Variants in DDX21 observed in about 807,000 individuals in gnomAD.
DDX21 encodes DExD-box helicase 21.
DDX21 carries 18 observed loss-of-function variants against 90.0 expected under a neutral mutation model. The ratio of observed to expected loss-of-function variants is 0.20; its 90% CI spans 0.14 to 0.30. The LOEUF (loss-of-function observed/expected upper bound fraction) is 0.30. Ranked by LOEUF, DDX21 falls within the 10% of genes least tolerant of loss-of-function variation. DDX21 has a pLI of 1.00. For synonymous variants in DDX21, 294 were observed against 318.0 expected, an observed-to-expected ratio of 0.92 and a Z score of 0.80; for missense variants, 673 against 944.5, an observed-to-expected ratio of 0.71 and a Z score of 3.77.
chr10:68,962,686 A>G (rs1842889161), intron 3 of DDX21, among the ~76,000 whole-genome samples: 1 of 152,198 alleles, frequency 6.6e-6, no homozygotes, highest in African/African-American at 2.4e-5. Flanking sequence ...AAATTAAGCA[A>G]TTAGGTGATG....
In DDX21 at chr10:68,966,250, T is replaced by A. The variant is rs1842937170; in HGVS notation, c.904+756T>A. ...GGCTCCCACGCCCGGCTAATTTTTG[T>A]ATTTTTAGTAGAGACAGGGTTTCAC... On this transcript the variant is annotated intron_variant, in intron 5 of 14. Transcript: ENST00000354185. Among the ~76,000 whole-genome samples the A allele has an allele frequency of 3.3e-5, 5 of 151,292 alleles. No individual in the cohort carries two copies. In the South Asian group the frequency reaches 1.1e-3, roughly 32 times the overall value.
chr10:68,967,514 T>C (rs1842955722), intron 6 of DDX21, among the ~76,000 whole-genome samples: 1 of 151,606 alleles, frequency 6.6e-6, no homozygotes, highest in African/African-American at 2.4e-5. Context: ...CCTTGGGAAA[T>C]TGGAATGGGG....
chr10:68,982,206 A>G (rs1056834162), intron 14 of DDX21, among the ~76,000 whole-genome samples: 1 of 152,202 alleles, frequency 6.6e-6, no homozygotes, highest in Non-Finnish European at 1.5e-5. Flanking sequence ...TTACATCTTT[A>G]TTCAATACTG....
chr10:68,984,140 T>G lies in DDX21; in HGVS notation c.*1328T>G, dbSNP rs2132100668. 1 of 152,366 alleles carries G rather than the reference T, an allele frequency of 6.6e-6. No individual in the cohort carries two copies. The highest frequency in any genetic ancestry group is 2.4e-5 in the African/African-American group (1 of 41,582). 9.4% of individuals were successfully genotyped at this position (152,366 alleles called of 1,614,324 possible). On this transcript the variant is annotated 3_prime_UTR_variant, in exon 15 of 15. Transcript: ENST00000354185. ...TAAGAGTGGCATTATCTTCTCGCCTTAATTTCCAGAGATTATTTCTGTACT... is the reference window on the plus strand; with the variant it reads ...TAAGAGTGGCATTATCTTCTCGCCTGAATTTCCAGAGATTATTTCTGTACT...
chr10:68,970,130 G>T, intron 7 of DDX21, 71 bp from the exon 8 acceptor site: 1 of 1,421,664 alleles, frequency 7.0e-7, no homozygotes, highest in East Asian at 2.3e-5. Context: ...TGTGCTCACT[G>T]ATCATTGTGT....
At chr10:68,971,168 T>C (rs1843023040) in intron 8 of DDX21, among the ~76,000 whole-genome samples, 1 of 151,938 alleles carries the variant, frequency 6.6e-6, no homozygotes, top group South Asian at 2.1e-4. Flanking sequence ...TACAGTTCAG[T>C]GGCTTTTAGC....
intron 6 of DDX21, among the ~76,000 whole-genome samples, chr10:68,967,938 A>G (rs1230823106): frequency 6.6e-6 from 1 of 151,856 alleles, no homozygotes; most frequent in East Asian, 1.9e-4. Context: ...TCTGTCACCC[A>G]GGCTGGAGTG....
intron 13 of DDX21, 89 bp from the exon 14 acceptor site, chr10:68,981,448 T>G: frequency 8.0e-7 from 1 of 1,248,564 alleles, no homozygotes; most frequent in African/African-American, 1.5e-5. Flanking sequence ...GTTTTTTGTT[T>G]TCTTTTTTTT....
In DDX21 at chr10:68,959,842, G is replaced by A. The variant is rs1842849674; in HGVS notation, c.124G>A (p.Glu42Lys). The change falls in exon 2 of 15, where the codon GAA (glutamate) becomes AAA (lysine). Residue 42 changes from glutamate to lysine, a missense_variant. Glu to Lys is a moderately conservative substitution (Grantham distance 56). This residue lies in a region of DDX21 where 204 missense variants were observed against 221.6 expected (regional missense o/e 0.92). Transcript: ENST00000354185. Reference sequence around the variant, plus strand: ...AGAGAAGCCAAAATCTGATAAGACTGAAGAGATAGCAGAAGAGGAAGAAAC... The same window carrying A: ...AGAGAAGCCAAAATCTGATAAGACTAAAGAGATAGCAGAAGAGGAAGAAAC... ...KKEKPKSDKT[E>K]EIAEEEETVF... 1 of 1,572,270 alleles carries A rather than the reference G, an allele frequency of 6.4e-7. No homozygotes were observed. The highest frequency in any genetic ancestry group is 2.2e-5 in the Admixed American group (1 of 46,260).
chr10:68,956,235 A>G lies in DDX21; in HGVS notation c.10A>G (p.Lys4Glu), dbSNP rs1842791117. Residue 4 changes from lysine to glutamate, a missense_variant, in exon 1 of 15, where the codon AAA becomes GAA. By Grantham distance (56) the Lys-to-Glu change is moderately conservative. Around this residue, in one of 4 missense-constraint regions of DDX21, gnomAD observed 204 missense variants for 221.6 expected, o/e 0.92. Coordinates refer to ENST00000354185, the MANE Select transcript of DDX21 (RefSeq NM_004728.4). MPG[K>E]LRSDAGLESD... is the part of the protein sequence containing the mutation. ...GCAACCTGCGCTGAAGATGCCGGGA[A>G]AACTCCGTAGTGACGCTGGTTTGGA... is the stretch of plus-strand genomic sequence containing the variant. The G allele has an allele frequency of 6.2e-7, 1 of 1,614,126 alleles. No homozygotes were observed. The highest frequency in any genetic ancestry group is 1.1e-5 in the South Asian group (1 of 91,074).
chr10:68,964,971 C>G (rs551303618), intron 4 of DDX21, among the ~76,000 whole-genome samples: 32 of 152,146 alleles, frequency 2.1e-4, no homozygotes, highest in African/African-American at 7.7e-4. Context: ...ATATATAGAT[C>G]AAATTCATAT....
rs2132089371 is a variant in DDX21, at chr10:68,972,204, T to C, written c.1548+152T>C. The C allele has an allele frequency of 8.0e-6, 7 of 871,180 alleles. 1 individual carries two copies. In the South Asian group the frequency reaches 1.3e-4, roughly 16 times the overall value. The allele number at this position is 871,180 out of a possible 1,614,324, so 54.0% of individuals were successfully genotyped here. ...GGTGATTTTGAGAATGAACCTGTTA[T>C]CAGACACCCCCCTCAGAACTGACAC... On this transcript the variant is annotated intron_variant, in intron 9 of 14. Transcript: ENST00000354185.
chr10:68,970,402 C>G, intron 8 of DDX21, 52 bp downstream of exon 8: 5 of 1,556,630 alleles, frequency 3.2e-6, no homozygotes, highest in Non-Finnish European at 4.4e-6. Flanking sequence ...CAAATCTTCA[C>G]CTTGGGCATA....
rs202126561 is a variant in DDX21, at chr10:68,958,523, G to A, written c.88-1283G>A. Among the ~76,000 whole-genome samples, 19 of 151,944 alleles carry A rather than the reference G, an allele frequency of 1.3e-4. No homozygotes were observed. The East Asian group carries it at 1.5e-3, about 12-fold the overall frequency. ...ATGATCTCAGCTCACTGCAACCCCCGCCTCCCGGGTTCAAGCAGTTCTCCT... is the reference window on the plus strand; with the variant it reads ...ATGATCTCAGCTCACTGCAACCCCCACCTCCCGGGTTCAAGCAGTTCTCCT... On this transcript the variant is annotated intron_variant, in intron 1 of 14. Coordinates refer to ENST00000354185, the MANE Select transcript of DDX21 (RefSeq NM_004728.4).
intron 12 of DDX21, 88 bp downstream of exon 12, chr10:68,977,776 T>G: frequency 7.4e-7 from 1 of 1,360,418 alleles, no homozygotes; most frequent in South Asian, 1.6e-5. Context: ...CCCAGTTGTT[T>G]TCATTTTCTC....
At position 68,978,903 on chromosome 10, in the gene DDX21, A is replaced by G. The variant is rs1843146352; in HGVS notation, c.1964A>G (p.Lys655Arg). ...IEMPNISYAW[K>R]ELKEQLGEEI... Reference sequence around the variant, plus strand: ...ATGCCAAATATTAGTTATGCTTGGAAAGAACTTAAAGAGCAGCTGGGCGAG... The same window carrying G: ...ATGCCAAATATTAGTTATGCTTGGAGAGAACTTAAAGAGCAGCTGGGCGAG... The change falls in exon 13 of 15, where the codon AAA (lysine) becomes AGA (arginine). Residue 655 changes from lysine (K) to arginine (R), a missense_variant. This residue lies in a region of DDX21 where 225 missense variants were observed against 298.8 expected (regional missense o/e 0.75). Transcript: ENST00000354185. The G allele has an allele frequency of 6.2e-7, 1 of 1,614,110 alleles. No individual in the cohort carries two copies. Among genetic ancestry groups the G allele is most frequent in the South Asian group, 1.1e-5 (1 of 91,088 alleles).
At position 68,959,980 on chromosome 10, in the gene DDX21, A is replaced by T; in HGVS notation, c.262A>T (p.Ile88Phe). 6.2e-7 allele frequency: 1 copy of T among 1,609,982 alleles called. No individual in the cohort carries two copies. The part of the protein sequence containing the change: ...KKKEEPSQND[I>F]SPKTKSLRKK... Reference sequence around the variant, plus strand: ...GAAAGAGGAGCCATCTCAAAATGACATTTCTCCTAAAACCAAAAGTTTGAG... The same window carrying T: ...GAAAGAGGAGCCATCTCAAAATGACTTTTCTCCTAAAACCAAAAGTTTGAG... Residue 88 changes from isoleucine (I) to phenylalanine (F), a missense_variant, in exon 2 of 15, where the codon ATT becomes TTT. Ile to Phe is a conservative substitution (Grantham distance 21). Transcript: ENST00000354185.
Position 68,960,036 on chromosome 10 carries a change from G to A in DDX21, c.318G>A (p.Val106=). The A allele has an allele frequency of 6.2e-7, 1 of 1,603,818 alleles. No homozygotes were observed. Among genetic ancestry groups the A allele is most frequent in the Non-Finnish European group, 8.5e-7 (1 of 1,177,884 alleles). Reference sequence around the variant, plus strand: ...AAAAGGAGCCCATTGAAAAGAAAGTGGTTTCTTCTAAAACCAAAAAAGTGA... The same window carrying A: ...AAAAGGAGCCCATTGAAAAGAAAGTAGTTTCTTCTAAAACCAAAAAAGTGA... ...RKKKEPIEKK[V]VSSKTKKVTK... Residue 106 remains valine (V), a synonymous_variant, in exon 2 of 15, where the codon GTG becomes GTA. Coordinates refer to ENST00000354185, the MANE Select transcript of DDX21 (RefSeq NM_004728.4).
chr10:68,970,439 T>C, intron 8 of DDX21, 89 bp downstream of exon 8: 2 of 1,313,530 alleles, frequency 1.5e-6, no homozygotes, highest in Non-Finnish European at 2.1e-6. Flanking sequence ...TTTTCATTCA[T>C]TCAGTGAATA....
Sources: allele counts gnomAD v4.1 joint callset (sites outside exome capture counted in the v4.1 genomes callset), GRCh38; gene constraint gnomAD v4.1.1; regional missense constraint gnomAD v4.1.1; transcripts MANE v1.5; gene names NCBI Gene and HGNC (gene_info 2026-07-23, HGNC 2026-07-21).